PLEKHA7: variants seen among roughly 807,000 people sequenced by gnomAD.
The protein encoded by PLEKHA7 is pleckstrin homology domain containing A7.
A neutral mutation model predicts 170.0 loss-of-function variants in PLEKHA7; 104 were observed. That is an observed-to-expected ratio of 0.61 (90% CI 0.52 to 0.72). PLEKHA7 has a LOEUF of 0.72. PLEKHA7 is among the 30% of genes least tolerant of loss of function. The probability of loss-of-function intolerance (pLI) is 0.00; values close to 1 mark genes in which losing one functional copy is unlikely to be tolerated. For missense variants in PLEKHA7, 1,615 were observed against 1,671.7 expected, an observed-to-expected ratio of 0.97 and a Z score of 0.59; for synonymous variants, 648 against 660.8, an observed-to-expected ratio of 0.98 and a Z score of 0.30.
At chr11:16,818,801 TCTC>T (rs1176690399) in intron 10 of PLEKHA7, among the ~76,000 whole-genome samples, 95 of 140,530 alleles carry the variant, frequency 6.8e-4, no homozygotes, top group African/African-American at 2.2e-3. Context: ...CTTTTTTTTT[TCTC>T]TCTTTTTTTT....
At chr11:16,783,502 C>T (rs904028199) in intron 25 of PLEKHA7, among the ~76,000 whole-genome samples, 198 bp downstream of exon 25, 7 of 152,252 alleles carry the variant, frequency 4.6e-5, no homozygotes, top group African/African-American at 1.7e-4. Flanking sequence ...TGTTGCAGGT[C>T]TTTCCAGATG....
intron 3 of PLEKHA7, among the ~76,000 whole-genome samples, chr11:16,876,626 C>G (rs1444617660): frequency 6.6e-6 from 1 of 152,204 alleles, no homozygotes; most frequent in Non-Finnish European, 1.5e-5. Context: ...AGAAGTCTGA[C>G]AGCAAATACA....
chr11:16,990,287 A>AC (rs1554992436), intron 3 of PLEKHA7, among the ~76,000 whole-genome samples: 1 of 111,250 alleles, frequency 9.0e-6, no homozygotes, highest in African/African-American at 3.6e-5. Context: ...AAAAAAAAAA[A>AC]AAAAAAAAAA....
intron 13 of PLEKHA7, among the ~76,000 whole-genome samples, chr11:16,806,429 T>C (rs1291562896): frequency 6.6e-6 from 1 of 152,198 alleles, no homozygotes; most frequent in African/African-American, 2.4e-5. Context: ...TCAGAAAAAG[T>C]AAAAGTCTGT....
At chr11:16,931,336 G>C (rs1049751445) in intron 3 of PLEKHA7, among the ~76,000 whole-genome samples, 6 of 152,096 alleles carry the variant, frequency 3.9e-5, no homozygotes, top group Middle Eastern at 3.2e-3. Context: ...CCCACACTGA[G>C]AAATTCTAAG....
At chr11:16,780,595 C>T (rs538762488) in intron 26 of PLEKHA7, among the ~76,000 whole-genome samples, 8 of 152,314 alleles carry the variant, frequency 5.3e-5, no homozygotes, top group African/African-American at 1.7e-4. Flanking sequence ...TCCTTTCCAG[C>T]CCCCCAAGGC....
intron 9 of PLEKHA7, among the ~76,000 whole-genome samples, chr11:16,827,093 T>C (rs1850717117): frequency 6.6e-6 from 1 of 152,200 alleles, no homozygotes; most frequent in African/African-American, 2.4e-5. Flanking sequence ...CCTTTTCCTT[T>C]TGCAATTTGT....
At chr11:16,906,224 TAGGAAGGAAGGAAGGAAGGAAGGA>T (rs199992587) in intron 3 of PLEKHA7, among the ~76,000 whole-genome samples, 193 of 116,308 alleles carry the variant, frequency 1.7e-3, no homozygotes, top group African/African-American at 4.2e-3. Flanking sequence ...TAAAATGAGG[TAGGAAGGAAGGAAGGAAGGAAGGA>T]AGGAAGGAAG....
intron 6 of PLEKHA7, 102 bp downstream of exon 6, chr11:16,854,787 C>A: frequency 3.0e-6 from 3 of 987,508 alleles, no homozygotes; most frequent in Non-Finnish European, 1.6e-6. Flanking sequence ...AACTCAGGAA[C>A]AGAAAGCTTA....
intron 8 of PLEKHA7, among the ~76,000 whole-genome samples, chr11:16,850,535 T>A (rs537868853): frequency 6.6e-6 from 1 of 152,296 alleles, no homozygotes; most frequent in South Asian, 2.1e-4. Context: ...GGACTCCCCA[T>A]GCTTGAGCCT....
chr11:16,914,542 T>C (rs1263825999), intron 3 of PLEKHA7, among the ~76,000 whole-genome samples: 1 of 152,170 alleles, frequency 6.6e-6, no homozygotes, highest in Non-Finnish European at 1.5e-5. Flanking sequence ...CAATAATTCA[T>C]GGGGGTCTCA....
intron 23 of PLEKHA7, chr11:16,788,788 C>G (rs950133752): frequency 1.9e-5 from 9 of 475,458 alleles, no homozygotes; most frequent in African/African-American, 1.5e-4. Flanking sequence ...TTCCCAGGTC[C>G]TGAATTCAGC....
intron 3 of PLEKHA7, among the ~76,000 whole-genome samples, chr11:17,012,443 G>A (rs4757493): frequency 0.63 from 95,592 of 152,012 alleles, 30,766 homozygotes; most frequent in East Asian, 0.96. Context: ...ATCACATGAT[G>A]TCTCCTTCTT....
chr11:16,891,625 G>A (rs975753173), intron 3 of PLEKHA7, among the ~76,000 whole-genome samples: 4 of 152,146 alleles, frequency 2.6e-5, no homozygotes, highest in African/African-American at 7.2e-5. Flanking sequence ...TATCACAAGG[G>A]CCACTAGGAC....
intron 3 of PLEKHA7, among the ~76,000 whole-genome samples, chr11:16,936,587 G>A (rs1477561031): frequency 6.6e-6 from 1 of 152,090 alleles, no homozygotes; most frequent in African/African-American, 2.4e-5. Context: ...TATTCCTGGA[G>A]ACACCCGAAT....
At chr11:16,864,056 C>G (rs1185105672) in intron 4 of PLEKHA7, among the ~76,000 whole-genome samples, 4 of 152,214 alleles carry the variant, frequency 2.6e-5, no homozygotes, top group Non-Finnish European at 5.9e-5. Context: ...CCTACTCACT[C>G]AGCGCACTGA....
intron 9 of PLEKHA7, among the ~76,000 whole-genome samples, chr11:16,840,308 C>T (rs2135238880): frequency 6.6e-6 from 1 of 152,270 alleles, no homozygotes; most frequent in Non-Finnish European, 1.5e-5. Context: ...TGCCTGTAAT[C>T]CCGGCACTTT....
chr11:16,988,859 G>A lies in PLEKHA7; in HGVS notation c.221+25130C>T, dbSNP rs189747296. Among the ~76,000 whole-genome samples, 4 of 152,336 alleles carry A rather than the reference G, an allele frequency of 2.6e-5. No individual in the cohort carries two copies. The East Asian group carries it at 7.7e-4, about 29-fold the overall frequency. On this transcript the variant is annotated intron_variant, in intron 3 of 26. Coordinates refer to ENST00000531066, the MANE Select transcript of PLEKHA7 (RefSeq NM_001329630.2). ...CTTTCTCCCTGTAGCTTTCACAGAGGATGAGACTCTTCTATGTGGCAGCCC... is the reference window on the plus strand; with the variant it reads ...CTTTCTCCCTGTAGCTTTCACAGAGAATGAGACTCTTCTATGTGGCAGCCC...
intron 3 of PLEKHA7, among the ~76,000 whole-genome samples, chr11:16,972,137 T>G (rs947218117): frequency 2.6e-5 from 4 of 152,022 alleles, no homozygotes; most frequent in Non-Finnish European, 5.9e-5. Context: ...TATTTTAAGT[T>G]TTTGAGATGG....
Sources: gnomAD v4.1 joint callset for allele counts (sites outside exome capture counted in the v4.1 genomes callset) on GRCh38, gnomAD v4.1.1 for gene constraint, MANE v1.5 for transcripts, NCBI Gene and HGNC (gene_info 2026-07-23, HGNC 2026-07-21) for gene names.